The following POU6F2 variants were observed in gnomAD, a reference collection of about 807,000 sequenced individuals.
POU6F2 encodes POU class 6 homeobox 2, also known as POU domain, class 6, transcription factor 2.
A neutral mutation model predicts 71.3 loss-of-function variants in POU6F2; 31 were observed. The observed-to-expected ratio is 0.43, with a 90% CI of 0.33 to 0.59. The LOEUF is 0.59. Among genes scored for constraint, POU6F2 ranks in the 20% least tolerant of loss-of-function variants. The pLI, the probability that POU6F2 is intolerant of heterozygous loss-of-function variation, is 0.04. For synonymous variants in POU6F2, 347 were observed against 355.7 expected (o/e 0.98, Z 0.27); for missense variants, 783 against 856.8 (o/e 0.91, Z 1.07).
At position 39,140,665 on chromosome 7, in the gene POU6F2, T is replaced by C. The variant is rs530322456; in HGVS notation, c.277+54634T>C. Among the ~76,000 whole-genome samples the C allele has an allele frequency of 3.1e-3, 476 of 152,318 alleles. 2 individuals are homozygous for C. The highest frequency in any genetic ancestry group is 6.8e-3 in the Middle Eastern group (2 of 294). On this transcript the variant is annotated intron_variant, in intron 2 of 9. Transcript: ENST00000518318. ...CCTAGATAATCCAGGATAATCTTCC[T>C]ATCTCAAGAGTCTTAACTTTATCAC...
chr7:39,446,321 A>AT (rs1788522785), intron 7 of POU6F2, among the ~76,000 whole-genome samples: 3 of 152,008 alleles, frequency 2.0e-5, no homozygotes, highest in Admixed American at 2.0e-4. Flanking sequence ...ATTTAGAGAG[A>AT]TTTTTCCTCC....
intron 4 of POU6F2, among the ~76,000 whole-genome samples, chr7:39,327,316 A>T (rs1372908477): frequency 6.6e-6 from 1 of 151,386 alleles, no homozygotes; most frequent in African/African-American, 2.4e-5. Flanking sequence ...GCACATACCC[A>T]CTTAACACAT....
At chr7:39,077,233 G>A (rs1791020336) in intron 1 of POU6F2, among the ~76,000 whole-genome samples, 1 of 152,176 alleles carries the variant, frequency 6.6e-6, no homozygotes, top group Non-Finnish European at 1.5e-5. Flanking sequence ...GGTGCTATTA[G>A]GTTGTCAATA....
chr7:39,221,670 A>G (rs1794365218), intron 4 of POU6F2, among the ~76,000 whole-genome samples: 1 of 152,176 alleles, frequency 6.6e-6, no homozygotes, highest in Non-Finnish European at 1.5e-5. Context: ...TACAAGTGTG[A>G]GCCATCGCAC....
intron 1 of POU6F2, among the ~76,000 whole-genome samples, chr7:38,997,799 T>C (rs1788780368): frequency 1.3e-5 from 2 of 152,160 alleles, no homozygotes; most frequent in Admixed American, 1.3e-4. Flanking sequence ...TGTAAACAAA[T>C]GTGATAAGTT....
At chr7:39,133,762 A>G (rs1194320856) in intron 2 of POU6F2, among the ~76,000 whole-genome samples, 1 of 152,240 alleles carries the variant, frequency 6.6e-6, no homozygotes, top group Non-Finnish European at 1.5e-5. Context: ...TCACTGTACT[A>G]TGTGATATTC....
intron 2 of POU6F2, among the ~76,000 whole-genome samples, chr7:39,114,015 C>T (rs914599652): frequency 6.6e-5 from 10 of 151,988 alleles, no homozygotes; most frequent in Non-Finnish European, 1.0e-4. Flanking sequence ...TTTAACTGAA[C>T]GCTAATTTGG....
intron 5 of POU6F2, among the ~76,000 whole-genome samples, chr7:39,377,149 G>A (rs1219928629): frequency 6.7e-6 from 1 of 149,230 alleles, no homozygotes; most frequent in Non-Finnish European, 1.5e-5. Flanking sequence ...ATATTTTTTT[G>A]AGATGGAGTC....
intron 4 of POU6F2, among the ~76,000 whole-genome samples, chr7:39,322,297 G>A (rs555593046): frequency 7.7e-4 from 117 of 152,262 alleles, no homozygotes; most frequent in Non-Finnish European, 1.3e-3. Context: ...CCCTTCCGCC[G>A]CCTGCTCACT....
chr7:39,154,661 G>T (rs1792828896), intron 2 of POU6F2, among the ~76,000 whole-genome samples: 1 of 152,110 alleles, frequency 6.6e-6, no homozygotes, highest in Non-Finnish European at 1.5e-5. Flanking sequence ...AATGAAACAT[G>T]AATTCATGCT....
rs140270363 is a variant in POU6F2, at chr7:39,021,717, T to C, written c.105+43659T>C. On this transcript the variant is annotated intron_variant, in intron 1 of 9. Transcript: ENST00000518318. Reference sequence around the variant, plus strand: ...TTAAATAATTTTTACAAAAGGCACATAGATATCATATTAATTCAATCCTTT... The same window carrying C: ...TTAAATAATTTTTACAAAAGGCACACAGATATCATATTAATTCAATCCTTT... Among the ~76,000 whole-genome samples, 1,500 of 152,164 alleles carry C rather than the reference T, an allele frequency of 9.9e-3. 18 individuals are homozygous for C. The highest frequency in any genetic ancestry group is 0.032 in the African/African-American group (1,329 of 41,558).
intron 2 of POU6F2, among the ~76,000 whole-genome samples, chr7:39,166,409 C>T (rs563989954): frequency 6.6e-6 from 1 of 152,190 alleles, no homozygotes; most frequent in South Asian, 2.1e-4. Flanking sequence ...ATCTCCCAAC[C>T]TTATTTGATC....
intron 2 of POU6F2, among the ~76,000 whole-genome samples, chr7:39,100,491 T>A: frequency 6.6e-6 from 1 of 152,238 alleles, no homozygotes; most frequent in Non-Finnish European, 1.5e-5. Flanking sequence ...CACACATTTT[T>A]AATTACATAT....
At chr7:39,364,133 G>C (rs1325834323) in intron 5 of POU6F2, among the ~76,000 whole-genome samples, 1 of 152,170 alleles carries the variant, frequency 6.6e-6, no homozygotes. Flanking sequence ...TGAAGCAGTG[G>C]GGGTTTTCTC....
At position 39,040,227 on chromosome 7, in the gene POU6F2, G is replaced by T. The variant is rs536211811; in HGVS notation, c.106-45633G>T. ...TACAGGGCCAATAATTTTCTTGCAT[G>T]TAAAATAATGCATAGGTAGTAAAAT... On this transcript the variant is annotated intron_variant, in intron 1 of 9. Coordinates refer to ENST00000518318, the MANE Select transcript of POU6F2 (RefSeq NM_001370959.1). Among the ~76,000 whole-genome samples, 16 of 143,168 alleles carry T rather than the reference G, an allele frequency of 1.1e-4. No homozygotes were observed. The South Asian group carries it at 3.5e-3, about 32-fold the overall frequency. 93.9% of individuals were successfully genotyped at this position (143,168 alleles called of 152,430 possible).
chr7:39,182,320 G>T (rs62442237), intron 2 of POU6F2, among the ~76,000 whole-genome samples: 15,153 of 152,056 alleles, frequency 0.1, 944 homozygotes, highest in Non-Finnish European at 0.14. Context: ...TCCTCAAATG[G>T]ACTACAACCT....
chr7:39,094,020 A>G (rs949610230), intron 2 of POU6F2, among the ~76,000 whole-genome samples: 2 of 152,106 alleles, frequency 1.3e-5, no homozygotes, highest in South Asian at 2.1e-4. Context: ...AGTTCATGCT[A>G]TCCATCCATC....
In POU6F2 at chr7:39,081,707, C is replaced by T. The variant is rs547776457; in HGVS notation, c.106-4153C>T. ...ATGTCAGCCAGAGAGCTGTTTTGTTCCTACATTCTGTAGGGAAGATAATAC... is the reference window on the plus strand; with the variant it reads ...ATGTCAGCCAGAGAGCTGTTTTGTTTCTACATTCTGTAGGGAAGATAATAC... On this transcript the variant is annotated intron_variant, in intron 1 of 9. Transcript: ENST00000518318. Among the ~76,000 whole-genome samples the T allele has an allele frequency of 9.2e-5, 14 of 152,284 alleles. No individual in the cohort carries two copies. The South Asian group carries it at 1.2e-3, about 14-fold the overall frequency.
At chr7:39,386,718 C>CA (rs1406247134) in intron 5 of POU6F2, among the ~76,000 whole-genome samples, 5 of 151,858 alleles carry the variant, frequency 3.3e-5, no homozygotes, top group Admixed American at 3.3e-4. Flanking sequence ...GAAAATAATG[C>CA]AAAAAAAGAG....
Sources: allele counts gnomAD v4.1 joint callset (sites outside exome capture counted in the v4.1 genomes callset), GRCh38; gene constraint gnomAD v4.1.1; transcripts MANE v1.5; gene names NCBI Gene and HGNC (gene_info 2026-07-23, HGNC 2026-07-21).